ADAMTS20: variants seen among roughly 807,000 people sequenced by gnomAD.
The protein encoded by ADAMTS20 is ADAM metallopeptidase with thrombospondin type 1 motif 20.
In ADAMTS20, 225 loss-of-function variants were observed where a neutral mutation model predicts 260.1. The ratio of observed to expected loss-of-function variants is 0.87; its 90% CI spans 0.78 to 0.97. The LOEUF is 0.97. Among genes scored for constraint, ADAMTS20 ranks in the 50% least tolerant of loss-of-function variants. The pLI, the probability that ADAMTS20 is intolerant of heterozygous loss-of-function variation, is 0.00. For missense variants in ADAMTS20, 2,400 were observed against 2,337.7 expected, an observed-to-expected ratio of 1.03 and a Z score of -0.55; for synonymous variants, 802 against 769.5, an observed-to-expected ratio of 1.04 and a Z score of -0.70.
At chr12:43,365,551 T>A (rs1355192027) in intron 37 of ADAMTS20, among the ~76,000 whole-genome samples, 1 of 151,868 alleles carries the variant, frequency 6.6e-6, no homozygotes, top group Non-Finnish European at 1.5e-5. Flanking sequence ...AGACGATAAG[T>A]CAAATCCACA....
chr12:43,445,730 T>C (rs1217771101), intron 15 of ADAMTS20, among the ~76,000 whole-genome samples: 2 of 151,910 alleles, frequency 1.3e-5, no homozygotes. Context: ...TGAACACCTG[T>C]AGTTCTAGGT....
At chr12:43,409,601 C>CAAAAAAAAAAAAAA (rs67474640) in intron 28 of ADAMTS20, among the ~76,000 whole-genome samples, 18 of 46,906 alleles carry the variant, frequency 3.8e-4, no homozygotes, top group African/African-American at 1.0e-3. Flanking sequence ...GACTCCGTCT[C>CAAAAAAAAAAAAAA]AAAAAAAAAA....
intron 18 of ADAMTS20, among the ~76,000 whole-genome samples, chr12:43,439,075 T>C (rs1720591763): frequency 1.3e-5 from 2 of 152,324 alleles, no homozygotes; most frequent in South Asian, 4.1e-4. Flanking sequence ...CTGCAGACTC[T>C]AGTCTTTCCA....
chr12:43,390,774 T>C (rs541499359), intron 29 of ADAMTS20, among the ~76,000 whole-genome samples: 5 of 152,226 alleles, frequency 3.3e-5, no homozygotes, highest in East Asian at 1.9e-4. Context: ...TTCTCAAAGA[T>C]TGAGGCTCTC....
chr12:43,484,508 G>C (rs1942492255), intron 7 of ADAMTS20, among the ~76,000 whole-genome samples: 1 of 152,044 alleles, frequency 6.6e-6, no homozygotes. Context: ...GGAAATGAAA[G>C]ACACATTTAC....
intron 11 of ADAMTS20, among the ~76,000 whole-genome samples, chr12:43,459,024 A>G (rs1483051175): frequency 6.6e-6 from 1 of 152,194 alleles, no homozygotes; most frequent in African/African-American, 2.4e-5. Context: ...ATCCGGATAT[A>G]AACCCAGACA....
chr12:43,521,065 A>T (rs1158643583), intron 3 of ADAMTS20, among the ~76,000 whole-genome samples: 3 of 152,046 alleles, frequency 2.0e-5, no homozygotes, highest in African/African-American at 7.2e-5. Flanking sequence ...ACCTCACCTT[A>T]CTCCTTTCTG....
In ADAMTS20 at chr12:43,500,364, T is replaced by C. The variant is rs528753056; in HGVS notation, c.867+1788A>G. Reference sequence around the variant, plus strand: ...TAATGAATGTCATCTCCTTTAACCATTTTCTATTGCAAAGTATATCCCATT... The same window carrying C: ...TAATGAATGTCATCTCCTTTAACCACTTTCTATTGCAAAGTATATCCCATT... On this transcript the variant is annotated intron_variant, in intron 4 of 38. Transcript: ENST00000389420. Among the ~76,000 whole-genome samples, 14 of 152,306 alleles carry C rather than the reference T, an allele frequency of 9.2e-5. No individual in the cohort carries two copies. The East Asian group carries it at 2.7e-3, about 29-fold the overall frequency.
At chr12:43,437,347 T>C (rs1941576424) in intron 18 of ADAMTS20, among the ~76,000 whole-genome samples, 1 of 152,184 alleles carries the variant, frequency 6.6e-6, no homozygotes, top group Non-Finnish European at 1.5e-5. Flanking sequence ...GAGGAAGTCA[T>C]CTAAGAACAT....
chr12:43,365,293 T>C (rs1939959272), intron 37 of ADAMTS20, among the ~76,000 whole-genome samples: 1 of 152,028 alleles, frequency 6.6e-6, no homozygotes, highest in African/African-American at 2.4e-5. Context: ...ACATCAGACA[T>C]TAATACAAAT....
At chr12:43,451,119 C>T (rs1941856715) in intron 14 of ADAMTS20, among the ~76,000 whole-genome samples, 1 of 152,078 alleles carries the variant, frequency 6.6e-6, no homozygotes, top group Non-Finnish European at 1.5e-5. Context: ...GAAACCTTGC[C>T]ATTTGTGACA....
At chr12:43,452,849 C>A (rs1032402317) in intron 12 of ADAMTS20, among the ~76,000 whole-genome samples, 154 bp from the exon 13 acceptor site, 2 of 152,172 alleles carry the variant, frequency 1.3e-5, no homozygotes, top group African/African-American at 2.4e-5. Context: ...TTACGCAATT[C>A]TATGCATAAT....
chr12:43,517,991 T>A (rs1166565310), intron 3 of ADAMTS20, among the ~76,000 whole-genome samples: 1 of 152,114 alleles, frequency 6.6e-6, no homozygotes, highest in East Asian at 1.9e-4. Flanking sequence ...TTTTTCACTG[T>A]TTTTGGGTTT....
chr12:43,540,104 G>T (rs1021547811), intron 2 of ADAMTS20, among the ~76,000 whole-genome samples: 1 of 151,804 alleles, frequency 6.6e-6, no homozygotes, highest in East Asian at 1.9e-4. Context: ...GGCTAGTCTC[G>T]ATCTCCTGAT....
chr12:43,460,988 A>ATATATATATATTTTTTTTTTT, intron 11 of ADAMTS20, among the ~76,000 whole-genome samples: 3 of 26,394 alleles, frequency 1.1e-4, no homozygotes, highest in Non-Finnish European at 2.0e-4. Context: ...ATATATATAT[A>ATATATATATATTTTTTTTTTT]TTTTTTTTTT....
In ADAMTS20 at chr12:43,360,825, A is replaced by G. The variant is rs190034110; in HGVS notation, c.5539-4237T>C. 1.6e-3 allele frequency among the ~76,000 whole-genome samples: 243 copies of G among 152,250 alleles called. 2 individuals carry two copies. The highest frequency in any genetic ancestry group is 5.7e-3 in the African/African-American group (236 of 41,524). ...ATCTTATGGATATATATTAAACTCT[A>G]CACCCTGATAATAATGAATACACAT... On this transcript the variant is annotated intron_variant, in intron 37 of 38. Coordinates refer to ENST00000389420, the MANE Select transcript of ADAMTS20 (RefSeq NM_025003.5).
rs1013569493 is a variant in ADAMTS20 at position 43,432,743 on chromosome 12, T to C, written c.2789A>G (p.His930Arg). The C allele has an allele frequency of 6.2e-7, 1 of 1,613,962 alleles. No individual in the cohort carries two copies. Among genetic ancestry groups the C allele is most frequent in the Middle Eastern group, 1.6e-4 (1 of 6,062 alleles). Residue 930 changes from histidine to arginine, a missense_variant, in exon 20 of 39, where the codon CAT becomes CGT. Transcript: ENST00000389420. ...TTCATGAATGGAATACTTCATGCAATGGATGTCCAAGGTTCTATATCCTTG... is the reference window on the plus strand; with the variant it reads ...TTCATGAATGGAATACTTCATGCAACGGATGTCCAAGGTTCTATATCCTTG... The part of the protein sequence containing the change: ...CGQGYRTLDI[H>R]CMKYSIHEGQ...
rs764403049 is a variant in ADAMTS20 at position 43,432,822 on chromosome 12, G to A, written c.2721-11C>T. ...CCAATAACATGCCACCTTGAAAAAA[G>A]ATGTTACTATACTTAGGAGGTATAT... is the stretch of plus-strand genomic sequence containing the variant. On this transcript the variant is annotated splice_polypyrimidine_tract_variant and intron_variant, in intron 19 of 38. Coordinates refer to ENST00000389420, the MANE Select transcript of ADAMTS20 (RefSeq NM_025003.5). 2 of 1,600,850 alleles carry A rather than the reference G, an allele frequency of 1.2e-6. No homozygotes were observed. The highest frequency in any genetic ancestry group is 2.2e-5 in the South Asian group (2 of 90,722).
chr12:43,362,498 A>G (rs77917847), intron 37 of ADAMTS20, among the ~76,000 whole-genome samples: 272 of 152,332 alleles, frequency 1.8e-3, no homozygotes, highest in African/African-American at 6.3e-3. Context: ...ATTCCTCTGC[A>G]AAGTTGCCTG....
Sources: gnomAD v4.1 joint callset for allele counts (sites outside exome capture counted in the v4.1 genomes callset) on GRCh38, gnomAD v4.1.1 for gene constraint, MANE v1.5 for transcripts, NCBI Gene and HGNC (gene_info 2026-07-23, HGNC 2026-07-21) for gene names.